HMG20A: variants seen among roughly 807,000 people sequenced by gnomAD.
HMG20A encodes the protein high mobility group protein 20A.
HMG20A carries 17 observed loss-of-function variants against 43.9 expected under a neutral mutation model. The observed-to-expected ratio is 0.39, with a 90% CI of 0.27 to 0.58. The LOEUF (loss-of-function observed/expected upper bound fraction) is 0.58. Ranked by LOEUF, HMG20A falls within the 20% of genes least tolerant of loss-of-function variation. HMG20A has a pLI of 0.59. For synonymous variants in HMG20A, 132 were observed against 147.5 expected, an observed-to-expected ratio of 0.89 and a Z score of 0.76; for missense variants, 341 against 438.2, an observed-to-expected ratio of 0.78 and a Z score of 1.98.
chr15:77,433,281 A>G (rs1235066120), intron 1 of HMG20A, among the ~76,000 whole-genome samples: 1 of 149,908 alleles, frequency 6.7e-6, no homozygotes, highest in Non-Finnish European at 1.5e-5. Context: ...GTTCGAGGTT[A>G]CAGTGGGCTG....
At chr15:77,463,348 G>A (rs375874760) in intron 2 of HMG20A, among the ~76,000 whole-genome samples, 2 of 152,032 alleles carry the variant, frequency 1.3e-5, no homozygotes, top group East Asian at 1.9e-4. Flanking sequence ...CATTATTTTA[G>A]TACTTACGTT....
chr15:77,469,826 C>T (rs2072790735), intron 4 of HMG20A, among the ~76,000 whole-genome samples: 2 of 152,240 alleles, frequency 1.3e-5, no homozygotes, highest in South Asian at 4.2e-4. Context: ...CACCATCACA[C>T]CCAGCTAATT....
At chr15:77,503,573 C>T in the HMG20A span, among the ~76,000 whole-genome samples, 1 of 152,248 alleles carries the variant, frequency 6.6e-6, no homozygotes, top group African/African-American at 2.4e-5. Flanking sequence ...AGTGCAGCCA[C>T]CCTAGGGGAG....
At chr15:77,509,628 G>A in the HMG20A span, among the ~76,000 whole-genome samples, 45 of 148,802 alleles carry the variant, frequency 3.0e-4, no homozygotes, top group African/African-American at 1.1e-3. Flanking sequence ...TATCCAGGCT[G>A]GGCACAGTGG....
In HMG20A at chr15:77,484,119, T is replaced by C. The variant is rs943366779; in HGVS notation, c.*1156T>C. ...GGACTTTCTGGTTCATTTTTGTTTGTTTTGTTTTGTTTTGTTTTGTTTACA... is the reference window on the plus strand; with the variant it reads ...GGACTTTCTGGTTCATTTTTGTTTGCTTTGTTTTGTTTTGTTTTGTTTACA... On this transcript the variant is annotated 3_prime_UTR_variant, in exon 10 of 10. Coordinates refer to ENST00000336216, the MANE Select transcript of HMG20A (RefSeq NM_001304504.2). 1 of 150,826 alleles carries C rather than the reference T, an allele frequency of 6.6e-6. No homozygotes were observed. The highest frequency in any genetic ancestry group is 2.5e-5 in the African/African-American group (1 of 40,286). 9.3% of individuals were successfully genotyped at this position (150,826 alleles called of 1,614,324 possible). A position where few individuals can be genotyped will look rare whatever the true frequency, so the allele number is the denominator to read the frequency against.
intron 1 of HMG20A, among the ~76,000 whole-genome samples, chr15:77,423,762 G>A (rs978512683): frequency 6.6e-6 from 1 of 152,020 alleles, no homozygotes; most frequent in Non-Finnish European, 1.5e-5. Flanking sequence ...CTAATGTTTT[G>A]CAACTGTTGC....
At chr15:77,455,735 G>T (rs760995373) in intron 1 of HMG20A, among the ~76,000 whole-genome samples, 1 of 152,188 alleles carries the variant, frequency 6.6e-6, no homozygotes, top group South Asian at 2.1e-4. Flanking sequence ...TCAAAGTTCA[G>T]TGTGACCTCT....
chr15:77,439,489 A>G (rs2073587665), intron 1 of HMG20A, among the ~76,000 whole-genome samples: 1 of 152,170 alleles, frequency 6.6e-6, no homozygotes, highest in Non-Finnish European at 1.5e-5. Flanking sequence ...ATATATTCAT[A>G]GAATATTTAT....
At chr15:77,510,712 G>A in the HMG20A span, among the ~76,000 whole-genome samples, 6 of 152,192 alleles carry the variant, frequency 3.9e-5, no homozygotes, top group African/African-American at 7.2e-5. Context: ...GCAGTAGTCC[G>A]TCCTTGGGAG....
intron 1 of HMG20A, among the ~76,000 whole-genome samples, chr15:77,426,450 TAAGG>T (rs1412676885): frequency 2.6e-5 from 4 of 152,124 alleles, no homozygotes; most frequent in East Asian, 1.9e-4. Context: ...AAGAAAATGA[TAAGG>T]AAGAAAAAAT....
chr15:77,449,793 T>C (rs1349945945), intron 1 of HMG20A, among the ~76,000 whole-genome samples: 1 of 152,176 alleles, frequency 6.6e-6, no homozygotes, highest in Non-Finnish European at 1.5e-5. Flanking sequence ...TTACAATCAA[T>C]GAACCTATAT....
At chr15:77,457,702 T>G (rs1040286543) in intron 1 of HMG20A, among the ~76,000 whole-genome samples, 8 of 152,192 alleles carry the variant, frequency 5.3e-5, no homozygotes, top group African/African-American at 9.7e-5. Context: ...GTGCATGCTA[T>G]TTCTGCTCTT....
chr15:77,505,261 G>C, the HMG20A span, among the ~76,000 whole-genome samples: 1 of 152,242 alleles, frequency 6.6e-6, no homozygotes, highest in Non-Finnish European at 1.5e-5. Context: ...CATCGACAAG[G>C]CTGAAGCAGG....
the HMG20A span, among the ~76,000 whole-genome samples, chr15:77,518,936 T>C: frequency 6.6e-6 from 1 of 152,184 alleles, no homozygotes; most frequent in Non-Finnish European, 1.5e-5. Context: ...CTATTTCCCA[T>C]CTGCTAACCT....
chr15:77,510,891 A>G, the HMG20A span, among the ~76,000 whole-genome samples: 1 of 152,358 alleles, frequency 6.6e-6, no homozygotes, highest in South Asian at 2.1e-4. Flanking sequence ...CCATCTGCAA[A>G]CTTCTTCAAG....
chr15:77,427,724 T>G (rs1209889720), intron 1 of HMG20A, among the ~76,000 whole-genome samples: 2 of 152,190 alleles, frequency 1.3e-5, no homozygotes, highest in Non-Finnish European at 2.9e-5. Flanking sequence ...AAAAAAAATT[T>G]TATTCAGTGC....
the HMG20A span, among the ~76,000 whole-genome samples, chr15:77,498,562 A>G: frequency 2.0e-5 from 3 of 152,272 alleles, no homozygotes; most frequent in East Asian, 5.8e-4. Context: ...CAGGTAGCCG[A>G]AGAAGTTCTG....
downstream of HMG20A, among the ~76,000 whole-genome samples, chr15:77,487,727 C>T (rs2072953022): frequency 6.6e-6 from 1 of 152,236 alleles, no homozygotes; most frequent in South Asian, 2.1e-4. Context: ...AAGCTCATAG[C>T]TACTTCCTGC....
chr15:77,450,697 G>A (rs1020448673), intron 1 of HMG20A, among the ~76,000 whole-genome samples: 1 of 152,234 alleles, frequency 6.6e-6, no homozygotes, highest in African/African-American at 2.4e-5. Flanking sequence ...CAGTGCACCT[G>A]TGCCAGCTGT....
Sources: gnomAD v4.1 joint callset for allele counts (sites outside exome capture counted in the v4.1 genomes callset) on GRCh38, gnomAD v4.1.1 for gene constraint, MANE v1.5 for transcripts, NCBI Gene and HGNC (gene_info 2026-07-23, HGNC 2026-07-21) for gene names.